Variants in AGBL1 observed in about 807,000 individuals in gnomAD.
AGBL1 encodes the protein cytosolic carboxypeptidase 4.
AGBL1 carries 130 observed loss-of-function variants against 118.9 expected under a neutral mutation model. That is an observed-to-expected ratio of 1.09 (90% CI 0.95 to 1.26). The LOEUF (loss-of-function observed/expected upper bound fraction) is 1.26. AGBL1 is among the 50% of genes most tolerant of loss of function. The probability of loss-of-function intolerance (pLI) is 0.00; values close to 1 mark genes in which losing one functional copy is unlikely to be tolerated. For missense variants in AGBL1, 1,584 were observed against 1,298.1 expected (o/e 1.22, Z -3.38); for synonymous variants, 555 against 478.9 (o/e 1.16, Z -2.08).
chr15:86,473,803 T>C (rs1173516424), intron 18 of AGBL1, among the ~76,000 whole-genome samples: 1 of 152,182 alleles, frequency 6.6e-6, no homozygotes, highest in African/African-American at 2.4e-5. Flanking sequence ...GCCTATATCA[T>C]TGATTATTAA....
intron 22 of AGBL1, among the ~76,000 whole-genome samples, chr15:86,885,258 G>A (rs1262259715): frequency 6.6e-6 from 1 of 151,926 alleles, no homozygotes; most frequent in Non-Finnish European, 1.5e-5. Flanking sequence ...TTATAATATT[G>A]TATGTGGCAT....
intron 18 of AGBL1, among the ~76,000 whole-genome samples, chr15:86,504,882 T>C (rs2082957149): frequency 6.6e-6 from 1 of 151,814 alleles, no homozygotes; most frequent in South Asian, 2.1e-4. Context: ...TGTGGATTCT[T>C]GTTACTGTCT....
chr15:87,007,480 A>C (rs2081516812), intron 24 of AGBL1, among the ~76,000 whole-genome samples: 1 of 152,190 alleles, frequency 6.6e-6, no homozygotes, highest in African/African-American at 2.4e-5. Context: ...CAATATTGGT[A>C]TTTCTGATTT....
chr15:86,529,356 C>T (rs1252275879), intron 19 of AGBL1, among the ~76,000 whole-genome samples: 3 of 135,540 alleles, frequency 2.2e-5, no homozygotes, highest in Admixed American at 6.8e-5. Context: ...GAAAGGGTAT[C>T]AACGATGGAA....
intron 4 of AGBL1, among the ~76,000 whole-genome samples, chr15:86,156,802 T>C (rs1039361501): frequency 6.7e-6 from 1 of 150,090 alleles, no homozygotes; most frequent in Non-Finnish European, 1.5e-5. Context: ...TTCTTTTTTT[T>C]TTTTTTTTAG....
At chr15:86,729,249 A>T (rs2077497382) in intron 22 of AGBL1, among the ~76,000 whole-genome samples, 1 of 152,150 alleles carries the variant, frequency 6.6e-6, no homozygotes, top group South Asian at 2.1e-4. Context: ...CAAATGATTA[A>T]CTATTTTCTG....
intron 16 of AGBL1, among the ~76,000 whole-genome samples, chr15:86,291,986 T>C (rs33984374): frequency 0.25 from 37,886 of 152,156 alleles, 5,674 homozygotes; most frequent in Middle Eastern, 0.36. Flanking sequence ...TACTTAGTGT[T>C]GTGTCAAATC....
chr15:86,247,269 C>G (rs1326963613), intron 6 of AGBL1, among the ~76,000 whole-genome samples: 1 of 152,094 alleles, frequency 6.6e-6, no homozygotes, highest in African/African-American at 2.4e-5. Flanking sequence ...TTTTATTTCC[C>G]TTTAGCCTCA....
At chr15:86,685,315 C>T (rs539988482) in intron 22 of AGBL1, among the ~76,000 whole-genome samples, 20 of 152,174 alleles carry the variant, frequency 1.3e-4, no homozygotes, top group African/African-American at 2.6e-4. Flanking sequence ...AAAATATCTT[C>T]GGTCATGTGA....
intron 16 of AGBL1, among the ~76,000 whole-genome samples, chr15:86,287,809 A>C (rs1433834872): frequency 6.6e-6 from 1 of 152,178 alleles, no homozygotes; most frequent in African/African-American, 2.4e-5. Context: ...GTTTCCCAAA[A>C]CATATTCAAT....
intron 17 of AGBL1, chr15:86,316,709 A>T (rs1343994110): frequency 1.3e-5 from 2 of 152,232 alleles, no homozygotes; most frequent in African/African-American, 4.8e-5. Context: ...GAAGATGACA[A>T]GACCACATTT....
intron 1 of AGBL1, among the ~76,000 whole-genome samples, chr15:86,134,631 T>G (rs1287084583): frequency 2.8e-5 from 3 of 105,454 alleles, no homozygotes; most frequent in Non-Finnish European, 3.6e-5. Flanking sequence ...TTTTTTTTTT[T>G]GAGATGGCAT....
At chr15:86,293,110 T>C (rs2079573473) in intron 16 of AGBL1, among the ~76,000 whole-genome samples, 1 of 152,238 alleles carries the variant, frequency 6.6e-6, no homozygotes, top group African/African-American at 2.4e-5. Flanking sequence ...AGAGTATAAA[T>C]AGGTTTTAGT....
At chr15:86,637,454 A>G (rs1456661504) in intron 21 of AGBL1, among the ~76,000 whole-genome samples, 1 of 152,200 alleles carries the variant, frequency 6.6e-6, no homozygotes, top group Non-Finnish European at 1.5e-5. Flanking sequence ...AGGCCGGGTT[A>G]TAGTGAGTGA....
intron 22 of AGBL1, among the ~76,000 whole-genome samples, chr15:86,687,112 G>A (rs1315598440): frequency 6.6e-6 from 1 of 152,090 alleles, no homozygotes; most frequent in African/African-American, 2.4e-5. Flanking sequence ...CAAAAAAAAG[G>A]GAATTAGAGG....
At chr15:86,664,432 T>TA (rs2085605083) in intron 21 of AGBL1, among the ~76,000 whole-genome samples, 1 of 152,198 alleles carries the variant, frequency 6.6e-6, no homozygotes, top group Non-Finnish European at 1.5e-5. Flanking sequence ...AGGCAGGGAA[T>TA]ATACACACTT....
At chr15:86,193,652 G>C (rs182276675) in intron 5 of AGBL1, among the ~76,000 whole-genome samples, 135 of 152,220 alleles carry the variant, frequency 8.9e-4, no homozygotes, top group Non-Finnish European at 1.0e-3. Flanking sequence ...AGAAGTGGTT[G>C]GACATTGGAA....
rs191296762 is a variant in AGBL1 at position 86,745,471 on chromosome 15, A to T, written c.3158+71035A>T. On this transcript the variant is annotated intron_variant, in intron 22 of 22. Transcript: ENST00000614907. ...GTTGTCAGTAAATGGTCTAAAAAGG[A>T]GGTGCAGAGAACTGGGAACTACTGC... Among the ~76,000 whole-genome samples, 682 of 152,134 alleles carry T rather than the reference A, an allele frequency of 4.5e-3. 4 individuals are homozygous for T. The highest frequency in any genetic ancestry group is 0.014 in the Middle Eastern group (4 of 292).
chr15:86,193,232 G>T (rs1379296050), intron 5 of AGBL1, among the ~76,000 whole-genome samples: 3 of 152,008 alleles, frequency 2.0e-5, no homozygotes, highest in Non-Finnish European at 2.9e-5. Flanking sequence ...TTTTTGCCCA[G>T]CTTCCCCAAA....
Sources: allele counts gnomAD v4.1 joint callset (sites outside exome capture counted in the v4.1 genomes callset), GRCh38; gene constraint gnomAD v4.1.1; transcripts MANE v1.5; gene names NCBI Gene and HGNC (gene_info 2026-07-23, HGNC 2026-07-21).